Variants in CDC42SE2 observed in about 807,000 individuals in gnomAD.
CDC42SE2 encodes the protein CDC42 small effector protein 2.
In CDC42SE2, 3 loss-of-function variants were observed where a neutral mutation model predicts 11.5. The ratio of observed to expected loss-of-function variants is 0.26; its 90% CI spans 0.12 to 0.67. The LOEUF (loss-of-function observed/expected upper bound fraction) is 0.67, where lower values mean the gene tolerates loss of function less well. Among genes scored for constraint, CDC42SE2 ranks in the 30% least tolerant of loss-of-function variants. The pLI is 0.80. For synonymous variants in CDC42SE2, 33 were observed against 34.8 expected, an observed-to-expected ratio of 0.95 and a Z score of 0.18; for missense variants, 82 against 106.8, an observed-to-expected ratio of 0.77 and a Z score of 1.02.
the CDC42SE2 span, among the ~76,000 whole-genome samples, chr5:131,239,180 TAAGA>T: frequency 6.6e-6 from 1 of 150,680 alleles, no homozygotes; most frequent in African/African-American, 2.4e-5. Context: ...AAAATAAAAA[TAAGA>T]AAGAAAGAAA....
At chr5:131,307,936 T>G (rs1265278586) in intron 1 of CDC42SE2, among the ~76,000 whole-genome samples, 1 of 152,210 alleles carries the variant, frequency 6.6e-6, no homozygotes, top group East Asian at 1.9e-4. Flanking sequence ...CTTGTAAATT[T>G]GTTTGAGTTC....
chr5:131,218,174 C>CAA, the CDC42SE2 span, among the ~76,000 whole-genome samples: 40 of 74,558 alleles, frequency 5.4e-4, no homozygotes, highest in South Asian at 2.3e-3. Flanking sequence ...GACCCTGTCT[C>CAA]AAAAAAAAAA....
chr5:131,369,191 A>C (rs1210161819), intron 3 of CDC42SE2, among the ~76,000 whole-genome samples: 3 of 152,166 alleles, frequency 2.0e-5, no homozygotes, highest in African/African-American at 7.2e-5. Context: ...TACTGGTTGT[A>C]ATCTTTTGCG....
chr5:131,250,601 G>T lies in CDC42SE2; in HGVS notation n.108-4494G>T, dbSNP rs536063427. ...TAGGGGGAGGTGGGAAGGTGAAAAAGAAATGAATAGGTGGAGCATAGGAGA... is the reference window on the plus strand; with the variant it reads ...TAGGGGGAGGTGGGAAGGTGAAAAATAAATGAATAGGTGGAGCATAGGAGA... On this transcript the variant is annotated intron_variant and non_coding_transcript_variant, in intron 1 of 3. Coordinates refer to the CDC42SE2 transcript ENST00000502840. Among the ~76,000 whole-genome samples, 149 of 152,240 alleles carry T rather than the reference G, an allele frequency of 9.8e-4. 1 individual carries two copies. Among genetic ancestry groups the T allele is most frequent in the Non-Finnish European group, 1.0e-3 (70 of 68,006 alleles).
At chr5:131,259,775 T>G (rs543613556), upstream of CDC42SE2, among the ~76,000 whole-genome samples, 67 of 152,402 alleles carry the variant, frequency 4.4e-4, no homozygotes, top group African/African-American at 1.5e-3. Flanking sequence ...ACTTTGAATG[T>G]AGTTATCTAT....
rs894615826 is a variant in CDC42SE2, at chr5:131,391,400, G to A, written c.*309G>A. 2.6e-5 allele frequency: 4 copies of A among 155,840 alleles called. No individual in the cohort carries two copies. The highest frequency in any genetic ancestry group is 5.6e-5 in the Non-Finnish European group (4 of 70,892). The allele number at this position is 155,840 out of a possible 1,614,324, so 9.7% of individuals were successfully genotyped here. On this transcript the variant is annotated 3_prime_UTR_variant, in exon 5 of 5. Coordinates refer to ENST00000505065, the MANE Select transcript of CDC42SE2 (RefSeq NM_001375635.1). Reference sequence around the variant, plus strand: ...TATTTTGAGTATTGAGGCCGAGCATGGTGGCTCACACCTGTAATCCCAGCA... The same window carrying A: ...TATTTTGAGTATTGAGGCCGAGCATAGTGGCTCACACCTGTAATCCCAGCA...
rs150194811 is a variant in CDC42SE2 at position 131,389,226 on chromosome 5, A to T, written c.157-1767A>T. Among the ~76,000 whole-genome samples, 31 of 152,340 alleles carry T rather than the reference A, an allele frequency of 2.0e-4. No individual in the cohort carries two copies. The East Asian group carries it at 3.7e-3, about 18-fold the overall frequency. On this transcript the variant is annotated intron_variant, in intron 4 of 4. Coordinates refer to ENST00000505065, the MANE Select transcript of CDC42SE2 (RefSeq NM_001375635.1). ...AATTACTTGGTATCAGGTTTGTGCC[A>T]CATAACTTAATGTTAGTTACCATAA... is the stretch of plus-strand genomic sequence containing the variant.
At chr5:131,218,169 T>A in the CDC42SE2 span, among the ~76,000 whole-genome samples, 1 of 108,116 alleles carries the variant, frequency 9.2e-6, no homozygotes. Context: ...AGGAAGACCC[T>A]GTCTCAAAAA....
intron 2 of CDC42SE2, among the ~76,000 whole-genome samples, chr5:131,344,565 C>G (rs1259243849): frequency 6.6e-6 from 1 of 152,190 alleles, no homozygotes; most frequent in Non-Finnish European, 1.5e-5. Context: ...TAGACTCCAC[C>G]TATGGGGGCA....
upstream of CDC42SE2, among the ~76,000 whole-genome samples, chr5:131,243,398 G>A (rs1756555541): frequency 6.6e-6 from 1 of 152,078 alleles, no homozygotes; most frequent in Admixed American, 6.6e-5. Context: ...GCTAAAGTGT[G>A]AAACTGTGAA....
chr5:131,344,494 C>T (rs1034504533), intron 2 of CDC42SE2, among the ~76,000 whole-genome samples: 31 of 152,158 alleles, frequency 2.0e-4, no homozygotes, highest in Non-Finnish European at 2.6e-4. Context: ...GTAAAAAGAG[C>T]GGCCAGGAAG....
At chr5:131,310,090 A>G (rs1414536049) in intron 1 of CDC42SE2, among the ~76,000 whole-genome samples, 2 of 152,098 alleles carry the variant, frequency 1.3e-5, no homozygotes, top group African/African-American at 4.8e-5. Context: ...ATTTAGTGCT[A>G]TAAATTTCCT....
At chr5:131,273,156 TA>T (rs1275978503) in intron 1 of CDC42SE2, among the ~76,000 whole-genome samples, 4 of 139,260 alleles carry the variant, frequency 2.9e-5, no homozygotes, top group African/African-American at 6.3e-5. Flanking sequence ...CATTTTTTTA[TA>T]ATTTTTTTTT....
intron 1 of CDC42SE2, among the ~76,000 whole-genome samples, chr5:131,296,554 G>A (rs1362283920): frequency 6.6e-6 from 1 of 152,140 alleles, no homozygotes; most frequent in Non-Finnish European, 1.5e-5. Flanking sequence ...TCTTGCCTTT[G>A]TCATCACATG....
intron 1 of CDC42SE2, among the ~76,000 whole-genome samples, chr5:131,286,152 T>TCAAGCAATCCTCCTGGGCC (rs1757335353): frequency 1.3e-5 from 2 of 150,442 alleles, no homozygotes; most frequent in African/African-American, 4.9e-5. Context: ...CCTCCTGGGC[T>TCAAGCAATCCTCCTGGGCC]CAAGCAATCC....
chr5:131,338,723 G>C (rs1758636789), intron 2 of CDC42SE2, among the ~76,000 whole-genome samples: 1 of 152,110 alleles, frequency 6.6e-6, no homozygotes, highest in Admixed American at 6.6e-5. Context: ...CTGAGCGGAG[G>C]GATCCAGAAT....
chr5:131,218,627 C>T, the CDC42SE2 span, among the ~76,000 whole-genome samples: 5 of 152,050 alleles, frequency 3.3e-5, no homozygotes, highest in Non-Finnish European at 7.4e-5. Flanking sequence ...ATGACTAATA[C>T]GTAGAAAGAG....
the CDC42SE2 span, among the ~76,000 whole-genome samples, chr5:131,230,296 T>A: frequency 6.6e-6 from 1 of 152,242 alleles, no homozygotes; most frequent in South Asian, 2.1e-4. Flanking sequence ...GAAATTTTTC[T>A]ACTGTTTCAC....
chr5:131,230,632 G>A, the CDC42SE2 span, among the ~76,000 whole-genome samples: 3 of 152,144 alleles, frequency 2.0e-5, no homozygotes, highest in East Asian at 5.8e-4. Context: ...ACCACAGCAA[G>A]GGAACATGGG....
Sources: allele counts gnomAD v4.1 joint callset (sites outside exome capture counted in the v4.1 genomes callset), GRCh38; gene constraint gnomAD v4.1.1; transcripts MANE v1.5; gene names NCBI Gene and HGNC (gene_info 2026-07-23, HGNC 2026-07-21).